Variants in XKR9 observed in about 807,000 individuals in gnomAD.
The protein encoded by XKR9 is XK related 9.
XKR9 carries 32 observed loss-of-function variants against 32.0 expected under a neutral mutation model. That is an observed-to-expected ratio of 1.00 (90% confidence interval 0.76 to 1.34). The LOEUF (loss-of-function observed/expected upper bound fraction) is 1.34. Ranked by LOEUF, XKR9 falls within the 40% of genes most tolerant of loss-of-function variation. The pLI is 0.00. For missense variants in XKR9, 546 were observed against 429.7 expected (o/e 1.27, Z -2.39); for synonymous variants, 168 against 143.4 (o/e 1.17, Z -1.22).
At chr8:70,952,153 TACACACACACACACAC>T in the XKR9 span, among the ~76,000 whole-genome samples, 1 of 148,104 alleles carries the variant, frequency 6.8e-6, no homozygotes, top group African/African-American at 2.5e-5. Flanking sequence ...AGAAAACCTT[TACACACACACACACAC>T]ACACACACAC....
the XKR9 span, among the ~76,000 whole-genome samples, chr8:70,968,138 T>G: frequency 6.6e-6 from 1 of 152,216 alleles, no homozygotes; most frequent in Admixed American, 6.5e-5. Context: ...TTGTTTCTTT[T>G]TATTCAATTT....
At chr8:70,800,888 G>A in the XKR9 span, among the ~76,000 whole-genome samples, 1 of 151,896 alleles carries the variant, frequency 6.6e-6, no homozygotes, top group Admixed American at 6.6e-5. Context: ...TTCAGTCTTG[G>A]GAGGTCATAT....
At chr8:70,983,211 C>A in the XKR9 span, among the ~76,000 whole-genome samples, 1 of 152,118 alleles carries the variant, frequency 6.6e-6, no homozygotes, top group East Asian at 1.9e-4. Flanking sequence ...AGCATTCTTT[C>A]CCCTTTTCTG....
At chr8:70,685,950 A>G (rs1215404847) in intron 3 of XKR9, among the ~76,000 whole-genome samples, 1 of 151,242 alleles carries the variant, frequency 6.6e-6, no homozygotes, top group Admixed American at 6.6e-5. Flanking sequence ...AATAAGAAAA[A>G]TAAGTTTTTG....
At chr8:70,822,222 G>T in the XKR9 span, among the ~76,000 whole-genome samples, 1 of 152,032 alleles carries the variant, frequency 6.6e-6, no homozygotes, top group African/African-American at 2.4e-5. Flanking sequence ...TTAATTTGTT[G>T]TATCACATAA....
chr8:70,767,384 C>T (rs1226343816), intron 2 of XKR9, among the ~76,000 whole-genome samples: 8 of 151,724 alleles, frequency 5.3e-5, no homozygotes, highest in Non-Finnish European at 7.4e-5. Flanking sequence ...AATTTATTTG[C>T]GTAGAGGTGT....
At chr8:70,798,628 G>A in the XKR9 span, among the ~76,000 whole-genome samples, 5 of 152,190 alleles carry the variant, frequency 3.3e-5, no homozygotes, top group Non-Finnish European at 5.9e-5. Flanking sequence ...TCTTTGCCAG[G>A]ACCTATGTCT....
At chr8:70,683,543 A>G in intron 3 of XKR9, 3 of 451,700 alleles carry the variant, frequency 6.6e-6, no homozygotes, top group Non-Finnish European at 8.9e-6. Context: ...GCTGGCCTGC[A>G]GTGGCGCCTT....
At chr8:70,814,637 C>T in the XKR9 span, among the ~76,000 whole-genome samples, 1 of 152,016 alleles carries the variant, frequency 6.6e-6, no homozygotes, top group East Asian at 1.9e-4. Flanking sequence ...TTGCCAATAT[C>T]ATACTGAAGA....
the XKR9 span, among the ~76,000 whole-genome samples, chr8:70,910,561 G>A: frequency 3.3e-5 from 5 of 152,200 alleles, no homozygotes; most frequent in African/African-American, 1.2e-4. Flanking sequence ...GCACAGAAAT[G>A]TGAACTACTT....
chr8:71,042,880 T>A, the XKR9 span, among the ~76,000 whole-genome samples: 5 of 152,264 alleles, frequency 3.3e-5, no homozygotes, highest in African/African-American at 7.2e-5. Context: ...GCTTCCCTCC[T>A]TGGTCACCAC....
At chr8:70,766,302 C>T (rs559764278) in intron 2 of XKR9, among the ~76,000 whole-genome samples, 2 of 152,122 alleles carry the variant, frequency 1.3e-5, no homozygotes, top group Non-Finnish European at 2.9e-5. Context: ...TTGTAGTTCT[C>T]CTTGAAGAGG....
intron 4 of XKR9, among the ~76,000 whole-genome samples, chr8:70,725,541 G>T (rs546895874): frequency 6.6e-6 from 1 of 152,134 alleles, no homozygotes; most frequent in South Asian, 2.1e-4. Flanking sequence ...GTAGAGCAAG[G>T]TACTGCCATT....
the XKR9 span, among the ~76,000 whole-genome samples, chr8:70,959,837 G>C: frequency 6.6e-6 from 1 of 152,154 alleles, no homozygotes; most frequent in East Asian, 1.9e-4. Flanking sequence ...TTTGCTAGTG[G>C]GTTATTCATC....
the XKR9 span, among the ~76,000 whole-genome samples, chr8:70,985,152 T>C: frequency 6.6e-6 from 1 of 152,238 alleles, no homozygotes; most frequent in South Asian, 2.1e-4. Context: ...GTTTGATATG[T>C]TGTGGGAGGA....
chr8:70,826,604 T>C, the XKR9 span, among the ~76,000 whole-genome samples: 2 of 152,156 alleles, frequency 1.3e-5, no homozygotes, highest in African/African-American at 4.8e-5. Flanking sequence ...TTGTAATAGC[T>C]TGGGCTGGGT....
At chr8:71,036,614 T>A in the XKR9 span, among the ~76,000 whole-genome samples, 1 of 152,116 alleles carries the variant, frequency 6.6e-6, no homozygotes, top group African/African-American at 2.4e-5. Context: ...AGGGTAATAC[T>A]TTTAGGGTTT....
chr8:70,763,051 G>A (rs1344244442), intron 2 of XKR9, among the ~76,000 whole-genome samples: 1 of 152,142 alleles, frequency 6.6e-6, no homozygotes, highest in Non-Finnish European at 1.5e-5. Flanking sequence ...TATAAAAAAT[G>A]ATTTAATTAT....
At chr8:70,950,785 T>A in the XKR9 span, among the ~76,000 whole-genome samples, 1 of 152,178 alleles carries the variant, frequency 6.6e-6, no homozygotes, top group Admixed American at 6.5e-5. Context: ...GTGATTCTGC[T>A]GCCTCAGCCT....
Sources: gnomAD v4.1 joint callset for allele counts (sites outside exome capture counted in the v4.1 genomes callset) on GRCh38, gnomAD v4.1.1 for gene constraint, MANE v1.5 for transcripts, NCBI Gene and HGNC (gene_info 2026-07-23, HGNC 2026-07-21) for gene names.